The following MAP9 variants were observed in gnomAD, a reference collection of about 807,000 sequenced individuals.
MAP9 encodes microtubule-associated protein 9.
MAP9 carries 80 observed loss-of-function variants against 75.2 expected under a neutral mutation model. The ratio of observed to expected loss-of-function variants is 1.06; its 90% CI spans 0.89 to 1.28. The LOEUF is 1.28. MAP9 is among the 50% of genes most tolerant of loss of function. The pLI, the probability that MAP9 is intolerant of heterozygous loss-of-function variation, is 0.00. For missense variants in MAP9, 753 were observed against 719.9 expected, an observed-to-expected ratio of 1.05 and a Z score of -0.53; for synonymous variants, 235 against 237.3, an observed-to-expected ratio of 0.99 and a Z score of 0.09.
chr4:155,349,970 A>C (rs1450877223), intron 13 of MAP9: 3 of 214,596 alleles, frequency 1.4e-5, no homozygotes, highest in South Asian at 6.6e-5. Flanking sequence ...AATTAAAAGA[A>C]CCTTGTTAAA....
chr4:155,372,671 T>G (rs529813185), intron 4 of MAP9, among the ~76,000 whole-genome samples: 2 of 152,174 alleles, frequency 1.3e-5, no homozygotes, highest in Admixed American at 6.5e-5. Context: ...TATACAAATG[T>G]CAAGAAAATT....
intron 3 of MAP9, among the ~76,000 whole-genome samples, chr4:155,373,790 T>C (rs1307987096): frequency 2.6e-5 from 4 of 152,326 alleles, no homozygotes; most frequent in Admixed American, 2.0e-4. Context: ...TTAAATTAGA[T>C]TATGGACTGT....
chr4:155,357,330 A>T, intron 8 of MAP9, 119 bp downstream of exon 8: 1 of 706,126 alleles, frequency 1.4e-6, no homozygotes, highest in South Asian at 1.6e-5. Flanking sequence ...CATTTTATGA[A>T]ATGGAAATAA....
chr4:155,355,985 G>A, intron 8 of MAP9, 101 bp from the exon 9 acceptor site: 1 of 1,046,442 alleles, frequency 9.6e-7, no homozygotes. Context: ...AACTGGCCAG[G>A]CATGATGGCT....
intron 4 of MAP9, among the ~76,000 whole-genome samples, chr4:155,370,469 T>G (rs1009015752): frequency 6.6e-6 from 1 of 152,178 alleles, no homozygotes; most frequent in Non-Finnish European, 1.5e-5. Context: ...GGGCTAACAG[T>G]TGTCATGCAC....
chr4:155,355,880 T>C lies in MAP9; in HGVS notation c.1126A>G (p.Met376Val), dbSNP rs745934830. 6.8e-6 allele frequency: 11 copies of C among 1,610,258 alleles called. No individual in the cohort carries two copies. The highest frequency in any genetic ancestry group is 1.1e-5 in the South Asian group (1 of 90,868). Residue 376 changes from methionine to valine, a missense_variant, in exon 9 of 14, where the codon ATG (methionine) becomes GTG (valine). Transcript: ENST00000311277. Reference sequence around the variant, plus strand: ...GATTTCTTCAAAAACTCAGAGGTCATTAATCTGAAAAGATCCAAATGAATC... The same window carrying C: ...GATTTCTTCAAAAACTCAGAGGTCACTAATCTGAAAAGATCCAAATGAATC... ...NRASSASARL[M>V]TSEFLKKSSS...
At chr4:155,359,369 T>C (rs1360953062) in intron 7 of MAP9, among the ~76,000 whole-genome samples, 1 of 152,024 alleles carries the variant, frequency 6.6e-6, no homozygotes, top group East Asian at 1.9e-4. Context: ...TGTTCTCACT[T>C]ACAAGTCAGA....
rs765243024 is a variant in MAP9 at position 155,347,786 on chromosome 4, A to G, written c.1941T>C (p.Phe647=). The G allele has an allele frequency of 2.5e-6, 4 of 1,595,898 alleles. No individual in the cohort carries two copies. The highest frequency in any genetic ancestry group is 1.2e-5 in the South Asian group (1 of 86,208). Residue 647 remains phenylalanine (F), a synonymous_variant, in exon 14 of 14, where the codon TTT becomes TTC. Transcript: ENST00000311277. ...AATAATGTAAGAACTAGAATTATCA[A>G]AACACTTTTGCGAACACAGTTCTGC... ...PPSRTVFAKV[F]
intron 13 of MAP9, chr4:155,349,391 A>G (rs2111182527): frequency 6.6e-6 from 1 of 152,252 alleles, no homozygotes; most frequent in African/African-American, 2.4e-5. Context: ...GAGCAGGAAA[A>G]CCCTTAGTGA....
chr4:155,357,641 A>T lies in MAP9; in HGVS notation c.1051-122T>A, dbSNP rs1578842394. ...TCTACTATGTGTCAAACACAGTAGA[A>T]ATTGGGAGCAAATCAGTGAATAAAA... On this transcript the variant is annotated intron_variant, in intron 7 of 13. Coordinates refer to ENST00000311277, the MANE Select transcript of MAP9 (RefSeq NM_001039580.2). 9 of 641,030 alleles carry T rather than the reference A, an allele frequency of 1.4e-5. No homozygotes were observed. The East Asian group carries it at 2.6e-4, about 18-fold the overall frequency. The allele number at this position is 641,030 out of a possible 1,614,324, so 39.7% of individuals were successfully genotyped here.
In MAP9 at chr4:155,342,884, T is replaced by C. The variant is rs1329517483; in HGVS notation, c.*4899A>G. 6.6e-6 allele frequency: 1 copy of C among 151,994 alleles called. No individual in the cohort carries two copies. Among genetic ancestry groups the C allele is most frequent in the African/African-American group, 2.4e-5 (1 of 41,422 alleles). 9.4% of individuals were successfully genotyped at this position (151,994 alleles called of 1,614,324 possible). A position where few individuals can be genotyped will look rare whatever the true frequency, so the allele number is the denominator to read the frequency against. ...TGAATAACTCCTTACATTTATAAATTCTTATTTAATTTTATAGCTTTAATG... is the reference window on the plus strand; with the variant it reads ...TGAATAACTCCTTACATTTATAAATCCTTATTTAATTTTATAGCTTTAATG... On this transcript the variant is annotated 3_prime_UTR_variant, in exon 14 of 14. Coordinates refer to ENST00000311277, the MANE Select transcript of MAP9 (RefSeq NM_001039580.2).
chr4:155,355,918 T>C (rs1407226565), intron 8 of MAP9, 34 bp from the exon 9 acceptor site: 11 of 1,552,446 alleles, frequency 7.1e-6, no homozygotes, highest in Middle Eastern at 3.5e-4. Flanking sequence ...GACAAAATAT[T>C]ACAATTGCAT....
chr4:155,360,352 G>A lies in MAP9; in HGVS notation c.866C>T (p.Ser289Leu). 6.2e-7 allele frequency: 1 copy of A among 1,611,898 alleles called. No homozygotes were observed. The highest frequency in any genetic ancestry group is 8.5e-7 in the Non-Finnish European group (1 of 1,178,464). The change falls in exon 7 of 14, where the codon TCA becomes TTA. Residue 289 changes from serine to leucine, a missense_variant. Ser to Leu is a moderately radical substitution (Grantham distance 145). Coordinates refer to ENST00000311277, the MANE Select transcript of MAP9 (RefSeq NM_001039580.2). ...SLKSDENKEN[S>L]FSADHVTTAV... ...AGTAGTCACATGGTCTGCTGAAAAT[G>A]AATTCTCTTTATTTTCATCTGATTT...
rs572637924 is a variant in MAP9 at position 155,376,809 on chromosome 4, G to A, written c.-103C>T. 1.3e-5 allele frequency: 2 copies of A among 152,986 alleles called. No individual in the cohort carries two copies. The highest frequency in any genetic ancestry group is 4.8e-5 in the African/African-American group (2 of 41,580). The allele number at this position is 152,986 out of a possible 1,614,324, so 9.5% of individuals were successfully genotyped here. A position where few individuals can be genotyped will look rare whatever the true frequency, so the allele number is the denominator to read the frequency against. ...TGGCGGCGCCCGCAGAGCCGGTCCT[G>A]GACCGAGCGAGGAGGAGGGGCTAAT... On this transcript the variant is annotated 5_prime_UTR_variant, in exon 1 of 14. Transcript: ENST00000311277.
intron 5 of MAP9, chr4:155,367,483 G>A (rs996375799): frequency 6.6e-6 from 1 of 152,194 alleles, no homozygotes; most frequent in African/African-American, 2.4e-5. Context: ...AGAACTAAGA[G>A]AATACATTTC....
At chr4:155,354,779 C>A (rs1731690590) in intron 10 of MAP9, among the ~76,000 whole-genome samples, 1 of 152,022 alleles carries the variant, frequency 6.6e-6, no homozygotes, top group Non-Finnish European at 1.5e-5. Context: ...TGGTTAAGTT[C>A]TAAATGAAAT....
At chr4:155,359,212 C>T (rs1032590734) in intron 7 of MAP9, among the ~76,000 whole-genome samples, 7 of 71,794 alleles carry the variant, frequency 9.8e-5, no homozygotes, top group African/African-American at 3.1e-4. Context: ...AATGTGTATA[C>T]ACACACACAC....
intron 5 of MAP9, 64 bp from the exon 6 acceptor site, chr4:155,362,205 TA>T (rs1732116502): frequency 1.0e-6 from 1 of 971,584 alleles, no homozygotes; most frequent in African/African-American, 1.7e-5. Context: ...ATGGGAACAA[TA>T]GCATTATTAA....
At chr4:155,354,950 C>A in intron 10 of MAP9, 121 bp downstream of exon 10, 3 of 480,840 alleles carry the variant, frequency 6.2e-6, no homozygotes, top group South Asian at 3.1e-5. Context: ...AACCGGAAAT[C>A]ATTTCTTTAA....
Sources: allele counts gnomAD v4.1 joint callset (sites outside exome capture counted in the v4.1 genomes callset), GRCh38; gene constraint gnomAD v4.1.1; transcripts MANE v1.5; gene names NCBI Gene and HGNC (gene_info 2026-07-23, HGNC 2026-07-21).